Variants in SNED1 observed in about 807,000 individuals in gnomAD.
SNED1 encodes sushi, nidogen and EGF-like domain-containing protein 1.
In SNED1, 81 loss-of-function variants were observed where a neutral mutation model predicts 166.7. That is an observed-to-expected ratio of 0.49 (90% CI 0.41 to 0.58). The LOEUF (loss-of-function observed/expected upper bound fraction) is 0.58, where lower values mean the gene tolerates loss of function less well. Ranked by LOEUF, SNED1 falls within the 20% of genes least tolerant of loss-of-function variation. The pLI, the probability that SNED1 is intolerant of heterozygous loss-of-function variation, is 0.00. For missense variants in SNED1, 1,604 were observed against 2,000.2 expected (o/e 0.80, Z 3.78); for synonymous variants, 762 against 822.0 (o/e 0.93, Z 1.25).
In SNED1 at chr2:241,051,578, C is replaced by G. The variant is rs2061841473; in HGVS notation, c.1736-166C>G. The G allele has an allele frequency of 4.0e-6, 2 of 494,514 alleles. No individual in the cohort carries two copies. Among genetic ancestry groups the G allele is most frequent in the Non-Finnish European group, 7.0e-6 (2 of 285,326 alleles). 30.6% of individuals were successfully genotyped at this position (494,514 alleles called of 1,614,324 possible). A position where few individuals can be genotyped will look rare whatever the true frequency, so the allele number is the denominator to read the frequency against. ...AGCCTGTGAGCCCCACCCCAGCCCC[C>G]ACCATGTGTGCGGACCTGCTTGGCC... On this transcript the variant is annotated intron_variant, in intron 12 of 31. Coordinates refer to ENST00000310397, the MANE Select transcript of SNED1 (RefSeq NM_001080437.3). The surrounding 1 kb of genome is among the most constrained non-coding windows in gnomAD (Gnocchi z 4.7).
intron 5 of SNED1, 49 bp from the exon 6 acceptor site, chr2:241,037,188 ACTC>A (rs977999481): frequency 6.4e-5 from 93 of 1,444,054 alleles, no homozygotes; most frequent in Non-Finnish European, 8.0e-5. Context: ...CTTAGAGAAA[ACTC>A]CTCATCCGGG....
chr2:241,021,125 T>C (rs2060759693), intron 1 of SNED1, among the ~76,000 whole-genome samples: 1 of 152,172 alleles, frequency 6.6e-6, no homozygotes, highest in Non-Finnish European at 1.5e-5. Flanking sequence ...AGCACAGCTG[T>C]CCGGGACCAC....
Position 241,053,268 on chromosome 2 carries a change from C to T in SNED1, c.2199C>T (p.Pro733=), listed in dbSNP as rs1375222309. 5 of 1,603,600 alleles carry T rather than the reference C, an allele frequency of 3.1e-6. No homozygotes were observed. Among genetic ancestry groups the T allele is most frequent in the Non-Finnish European group, 4.3e-6 (5 of 1,174,970 alleles). The stretch of plus-strand genomic sequence containing the variant: ...ACCGTGGCTACAGCCTGAGCGCCCC[C>T]AGCCGCATCCGGGTCTGCCAGCCAC... ...ACDRGYSLSA[P]SRIRVCQPHG... is the part of the protein sequence containing the mutation. Residue 733 remains proline, a synonymous_variant, in exon 16 of 32, where the codon CCC becomes CCT. Transcript: ENST00000310397.
chr2:241,087,630 C>T (rs948731218), intron 30 of SNED1, 155 bp downstream of exon 30: 33 of 1,436,906 alleles, frequency 2.3e-5, no homozygotes, highest in East Asian at 7.6e-5. Context: ...CGTTCTGCTA[C>T]GAAACTGTAT....
At chr2:241,045,510 A>T (rs2061622168) in intron 8 of SNED1, among the ~76,000 whole-genome samples, 1 of 152,154 alleles carries the variant, frequency 6.6e-6, no homozygotes, top group Non-Finnish European at 1.5e-5. Flanking sequence ...AAATATAGCC[A>T]ATTAATTTTT....
At chr2:241,044,132 A>C (rs2061585286) in intron 8 of SNED1, among the ~76,000 whole-genome samples, 1 of 152,232 alleles carries the variant, frequency 6.6e-6, no homozygotes, top group African/African-American at 2.4e-5. Context: ...AGAAGGCAGG[A>C]AGAGAGGAAA....
intron 29 of SNED1, among the ~76,000 whole-genome samples, chr2:241,084,126 C>T (rs368956581): frequency 1.4e-5 from 2 of 140,662 alleles, no homozygotes; most frequent in East Asian, 2.1e-4. Flanking sequence ...ATGATGGCAG[C>T]GTCTAGGATT....
chr2:241,088,479 C>CA, intron 31 of SNED1, 77 bp downstream of exon 31: 2 of 1,174,914 alleles, frequency 1.7e-6, no homozygotes. Context: ...CCCGGGATCT[C>CA]AGAGTGCCGC....
At chr2:241,050,828 A>AG (rs71674551) in intron 12 of SNED1, among the ~76,000 whole-genome samples, 16,862 of 151,598 alleles carry the variant, frequency 0.11, 1,591 homozygotes, top group East Asian at 0.33. Context: ...ACTGTACCCA[A>AG]GGTGGGGGTC....
chr2:241,052,384 G>A lies in SNED1; in HGVS notation c.1999G>A (p.Val667Met). ...CTCCCCCTGCTTCCGGAGCCCGTGT[G>A]TGAATGGGGGCACCTGCGAGGACCG... ...APSPCFRSPC[V>M]NGGTCEDRDT... Residue 667 changes from valine (V) to methionine (M), a missense_variant, in exon 15 of 32, where the codon GTG becomes ATG. Val to Met is a conservative substitution (Grantham distance 21, BLOSUM62 1). This residue lies in a region of SNED1 where 1,237 missense variants were observed against 1,620.8 expected (regional missense o/e 0.76). Transcript: ENST00000310397. The A allele has an allele frequency of 1.3e-6, 2 of 1,590,356 alleles. No homozygotes were observed. Among genetic ancestry groups the A allele is most frequent in the Non-Finnish European group, 1.7e-6 (2 of 1,167,498 alleles).
chr2:241,064,750 C>A lies in SNED1; in HGVS notation c.2600-94C>A. On this transcript the variant is annotated intron_variant, in intron 19 of 31. Transcript: ENST00000310397. The surrounding 1 kb of genome is among the most constrained non-coding windows in gnomAD (Gnocchi z 7.0). ...TGCCCCCCGCCCCTCCACACCCACG[C>A]AGGAGGGACCCAGTGCCCCAGGAGC... 2.3e-6 allele frequency: 2 copies of A among 854,190 alleles called. No individual in the cohort carries two copies. The highest frequency in any genetic ancestry group is 3.6e-6 in the Non-Finnish European group (2 of 562,184). The allele number at this position is 854,190 out of a possible 1,614,324, so 52.9% of individuals were successfully genotyped here. A position where few individuals can be genotyped will look rare whatever the true frequency, so the allele number is the denominator to read the frequency against.
intron 27 of SNED1, among the ~76,000 whole-genome samples, chr2:241,078,883 G>C (rs952215456): frequency 1.3e-5 from 2 of 152,112 alleles, no homozygotes; most frequent in African/African-American, 4.8e-5. Flanking sequence ...GGAGGCTGAG[G>C]CAGGTGGATC....
At chr2:241,020,449 G>A (rs146117949) in intron 1 of SNED1, among the ~76,000 whole-genome samples, 8 of 152,346 alleles carry the variant, frequency 5.3e-5, no homozygotes, top group South Asian at 4.1e-4. Context: ...CGAGCACCCC[G>A]CAGAGCCAGT....
Position 241,070,243 on chromosome 2 carries a change from G to A in SNED1, c.3589+42G>A, listed in dbSNP as rs1166511017. 1.9e-6 allele frequency: 3 copies of A among 1,556,258 alleles called. No individual in the cohort carries two copies. The African/African-American group carries it at 4.0e-5, about 21-fold the overall frequency. ...CTGCGCGTGGGCGGGGCCAGTGTTT[G>A]CCAGCCCTCCACCCTGTTCAGGACT... On this transcript the variant is annotated intron_variant, in intron 24 of 31. Coordinates refer to ENST00000310397, the MANE Select transcript of SNED1 (RefSeq NM_001080437.3).
intron 27 of SNED1, among the ~76,000 whole-genome samples, chr2:241,079,615 A>C (rs2125293299): frequency 6.6e-6 from 1 of 152,302 alleles, no homozygotes; most frequent in East Asian, 1.9e-4. Flanking sequence ...ACCTTGTTTT[A>C]CAGTTTTGAC....
intron 1 of SNED1, among the ~76,000 whole-genome samples, chr2:241,022,083 T>G (rs1374831211): frequency 6.6e-6 from 1 of 152,220 alleles, no homozygotes. Context: ...CTATTGAAGC[T>G]TTTATTATTG....
At chr2:241,081,968 A>G (rs918911492) in intron 28 of SNED1, among the ~76,000 whole-genome samples, 175 bp downstream of exon 28, 3 of 152,214 alleles carry the variant, frequency 2.0e-5, no homozygotes, top group African/African-American at 7.2e-5. Flanking sequence ...TGCTGCCCCA[A>G]GCACCAGGAT....
At chr2:241,034,492 G>C in intron 3 of SNED1, 76 bp from the exon 4 acceptor site, 2 of 1,360,064 alleles carry the variant, frequency 1.5e-6, no homozygotes, top group Non-Finnish European at 2.0e-6. Flanking sequence ...CAGGAACATG[G>C]TGGGGGCAGG....
At position 241,084,202 on chromosome 2, in the gene SNED1, T is replaced by C. The variant is rs895515342; in HGVS notation, c.4121+1838T>C. ...CCCAGGCTGGAGTGCGATGGTGCGA[T>C]CTTGGCTCATCGCAACCTCTGCCTC... On this transcript the variant is annotated intron_variant, in intron 29 of 31. Transcript: ENST00000310397. 2.7e-5 allele frequency among the ~76,000 whole-genome samples: 4 copies of C among 150,330 alleles called. No homozygotes were observed. The Admixed American group carries it at 2.7e-4, about 10-fold the overall frequency.
Sources: allele counts gnomAD v4.1 joint callset (sites outside exome capture counted in the v4.1 genomes callset), GRCh38; gene constraint gnomAD v4.1.1; regional missense constraint gnomAD v4.1.1; non-coding constraint Gnocchi (gnomAD v3.1); transcripts MANE v1.5; gene names NCBI Gene and HGNC (gene_info 2026-07-23, HGNC 2026-07-21).